ADAMTSL1: variants seen among roughly 807,000 people sequenced by gnomAD.
ADAMTSL1 encodes ADAMTS like 1, also known as ADAMTS-like protein 1.
ADAMTSL1 carries 126 observed loss-of-function variants against 201.8 expected under a neutral mutation model. The observed-to-expected ratio is 0.62, with a 90% CI of 0.54 to 0.72. The LOEUF is 0.72. Among genes scored for constraint, ADAMTSL1 ranks in the 30% least tolerant of loss-of-function variants. The probability of loss-of-function intolerance (pLI) is 0.00; values close to 1 mark genes in which losing one functional copy is unlikely to be tolerated. For missense variants in ADAMTSL1, 2,679 were observed against 2,277.8 expected (o/e 1.18, Z -3.59); for synonymous variants, 1,121 against 903.4 (o/e 1.24, Z -4.32).
chr9:18,278,764 G>T lies in ADAMTSL1; in HGVS notation c.207+114783G>T, dbSNP rs140899506. Among the ~76,000 whole-genome samples, 747 of 151,702 alleles carry T rather than the reference G, an allele frequency of 4.9e-3. 8 individuals carry two copies. The highest frequency in any genetic ancestry group is 0.017 in the African/African-American group (719 of 41,414). On this transcript the variant is annotated intron_variant, in intron 2 of 29. Transcript: ENST00000680146. Reference sequence around the variant, plus strand: ...AAGCTTTCTTCCACTTTCCTTTTTTGCTGATTCTCCTGGGAGTCTCATGCA... The same window carrying T: ...AAGCTTTCTTCCACTTTCCTTTTTTTCTGATTCTCCTGGGAGTCTCATGCA...
intron 1 of ADAMTSL1, among the ~76,000 whole-genome samples, chr9:18,121,198 C>CT (rs1825480650): frequency 6.6e-6 from 1 of 152,156 alleles, no homozygotes; most frequent in Admixed American, 6.5e-5. Flanking sequence ...CAGGGACTTT[C>CT]TTTTTCCCTC....
chr9:18,193,086 G>C (rs1477651869), intron 2 of ADAMTSL1, among the ~76,000 whole-genome samples: 1 of 152,064 alleles, frequency 6.6e-6, no homozygotes, highest in Non-Finnish European at 1.5e-5. Context: ...TCCTTTTCCA[G>C]GTTTTTTTGG....
At chr9:18,152,839 A>G (rs868323585) in intron 1 of ADAMTSL1, among the ~76,000 whole-genome samples, 4 of 152,158 alleles carry the variant, frequency 2.6e-5, no homozygotes, top group African/African-American at 4.8e-5. Flanking sequence ...TCTTAGAAGT[A>G]CTTGAAGACA....
intron 1 of ADAMTSL1, among the ~76,000 whole-genome samples, chr9:18,062,647 A>T (rs1822511003): frequency 6.6e-6 from 1 of 152,154 alleles, no homozygotes; most frequent in Admixed American, 6.5e-5. Flanking sequence ...CATAACATAA[A>T]TATTTGGAAT....
intron 2 of ADAMTSL1, among the ~76,000 whole-genome samples, chr9:18,355,485 A>C (rs1336800110): frequency 6.6e-6 from 1 of 152,128 alleles, no homozygotes; most frequent in East Asian, 1.9e-4. Flanking sequence ...AAAATTGTAT[A>C]AGCCCTTTTC....
At chr9:18,706,632 T>G in intron 13 of ADAMTSL1, 115 bp from the exon 14 acceptor site, 1 of 1,048,844 alleles carries the variant, frequency 9.5e-7, no homozygotes, top group Non-Finnish European at 1.4e-6. Context: ...GAGCCCTGAG[T>G]ACCCCTGGGA....
At chr9:18,086,021 G>A (rs1195715736) in intron 1 of ADAMTSL1, among the ~76,000 whole-genome samples, 1 of 152,128 alleles carries the variant, frequency 6.6e-6, no homozygotes, top group African/African-American at 2.4e-5. Context: ...AGGTGTAAGA[G>A]TCGAGGAAGA....
chr9:18,376,760 C>T (rs1445957427), intron 2 of ADAMTSL1, among the ~76,000 whole-genome samples: 2 of 151,978 alleles, frequency 1.3e-5, no homozygotes, highest in Non-Finnish European at 2.9e-5. Flanking sequence ...GAGCCAAGAT[C>T]GCATCACTGC....
intron 1 of ADAMTSL1, among the ~76,000 whole-genome samples, chr9:17,944,061 C>T (rs189842261): frequency 7.3e-5 from 11 of 151,574 alleles, no homozygotes; most frequent in East Asian, 3.9e-4. Context: ...CACCTCCCAC[C>T]GAGCCCCACC....
intron 1 of ADAMTSL1, among the ~76,000 whole-genome samples, chr9:17,996,579 A>G (rs1819390689): frequency 6.6e-6 from 1 of 152,024 alleles, no homozygotes; most frequent in Non-Finnish European, 1.5e-5. Context: ...TCAGAGTGCT[A>G]CTTAATGTTC....
intron 3 of ADAMTSL1, among the ~76,000 whole-genome samples, chr9:18,554,868 A>T (rs1821011898): frequency 6.6e-6 from 1 of 151,814 alleles, no homozygotes; most frequent in Non-Finnish European, 1.5e-5. Context: ...AGCTACATTG[A>T]CACATGATCA....
At position 18,734,252 on chromosome 9, in the gene ADAMTSL1, G is replaced by A. The variant is rs189605562; in HGVS notation, c.2006+12587G>A. 5.3e-3 allele frequency among the ~76,000 whole-genome samples: 811 copies of A among 152,252 alleles called. 10 individuals are homozygous for A. The highest frequency in any genetic ancestry group is 0.01 in the Middle Eastern group (3 of 294). ...TTTTGGGTTTTGTAGGGTATTTTAC[G>A]TATCTTTGTAAGAAGCAGTCCTTGA... On this transcript the variant is annotated intron_variant, in intron 15 of 28. Coordinates refer to ENST00000380548, the MANE Select transcript of ADAMTSL1 (RefSeq NM_001040272.6).
chr9:18,095,701 G>A (rs985769867), intron 1 of ADAMTSL1, among the ~76,000 whole-genome samples: 15 of 152,184 alleles, frequency 9.9e-5, no homozygotes, highest in African/African-American at 3.6e-4. Flanking sequence ...TGGGATTACA[G>A]GTGTGAGCCA....
At chr9:17,988,097 T>C (rs1050802751) in intron 1 of ADAMTSL1, among the ~76,000 whole-genome samples, 1 of 152,108 alleles carries the variant, frequency 6.6e-6, no homozygotes, top group South Asian at 2.1e-4. Context: ...CTGACATTTA[T>C]GGCTGTGTTT....
At chr9:18,736,180 C>G (rs1323477678) in intron 15 of ADAMTSL1, among the ~76,000 whole-genome samples, 1 of 152,116 alleles carries the variant, frequency 6.6e-6, no homozygotes, top group Non-Finnish European at 1.5e-5. Flanking sequence ...GTAGAGGCTG[C>G]TTTGGAGCCA....
chr9:18,845,639 T>A (rs1162039196), intron 23 of ADAMTSL1, among the ~76,000 whole-genome samples: 1 of 152,242 alleles, frequency 6.6e-6, no homozygotes, highest in Non-Finnish European at 1.5e-5. Flanking sequence ...TTTTTTTCTC[T>A]GCTTATTCCT....
At chr9:18,550,297 T>G (rs1030415087) in intron 3 of ADAMTSL1, among the ~76,000 whole-genome samples, 1 of 151,918 alleles carries the variant, frequency 6.6e-6, no homozygotes, top group South Asian at 2.1e-4. Flanking sequence ...AGGAAGTATA[T>G]CCTGGAGTAT....
intron 1 of ADAMTSL1, among the ~76,000 whole-genome samples, chr9:18,139,353 G>A (rs750079157): frequency 4.6e-5 from 7 of 152,094 alleles, no homozygotes; most frequent in African/African-American, 1.2e-4. Flanking sequence ...AAGTAGAACC[G>A]ATGACATTAC....
At chr9:18,330,482 A>G (rs185273043) in intron 2 of ADAMTSL1, among the ~76,000 whole-genome samples, 4 of 151,892 alleles carry the variant, frequency 2.6e-5, no homozygotes, top group East Asian at 3.9e-4. Flanking sequence ...CTCTCATCCT[A>G]TTCCCTCAGG....
Sources: allele counts gnomAD v4.1 joint callset (sites outside exome capture counted in the v4.1 genomes callset), GRCh38; gene constraint gnomAD v4.1.1; transcripts MANE v1.5; gene names NCBI Gene and HGNC (gene_info 2026-07-23, HGNC 2026-07-21).